PPP6R1: variants seen among roughly 807,000 people sequenced by gnomAD.
The protein encoded by PPP6R1 is serine/threonine-protein phosphatase 6 regulatory subunit 1.
A neutral mutation model predicts 104.6 loss-of-function variants in PPP6R1; 39 were observed. The observed-to-expected ratio is 0.37, with a 90% confidence interval of 0.29 to 0.49. PPP6R1 has a LOEUF of 0.49. PPP6R1 is among the 20% of genes least tolerant of loss of function. The pLI, the probability that PPP6R1 is intolerant of heterozygous loss-of-function variation, is 0.98. For missense variants in PPP6R1, 1,181 were observed against 1,155.8 expected (o/e 1.02, Z -0.32); for synonymous variants, 549 against 479.0 (o/e 1.15, Z -1.91).
intron 1 of PPP6R1, among the ~76,000 whole-genome samples, chr19:55,255,940 T>C (rs1259624376): frequency 6.6e-6 from 1 of 152,178 alleles, no homozygotes; most frequent in African/African-American, 2.4e-5. Context: ...ACCTGTTCAG[T>C]CATCTGCCTC....
chr19:55,233,445 A>T (rs1329401586), intron 17 of PPP6R1, among the ~76,000 whole-genome samples: 1 of 152,200 alleles, frequency 6.6e-6, no homozygotes, highest in Non-Finnish European at 1.5e-5. Context: ...CCCGGAGGCT[A>T]GCCAGGGCAA....
intron 1 of PPP6R1, among the ~76,000 whole-genome samples, chr19:55,257,579 C>A (rs749140444): frequency 6.6e-6 from 1 of 152,148 alleles, no homozygotes; most frequent in Admixed American, 6.5e-5. Flanking sequence ...CTTCCCCCCC[C>A]GGAAGGCCCT....
intron 1 of PPP6R1, among the ~76,000 whole-genome samples, chr19:55,255,300 G>A (rs2087584240): frequency 1.3e-5 from 2 of 152,214 alleles, no homozygotes; most frequent in African/African-American, 2.4e-5. Context: ...AGGTTTAAAG[G>A]AAAGAAAGGA....
At position 55,231,813 on chromosome 19, in the gene PPP6R1, G is replaced by A; in HGVS notation, c.2295C>T (p.Ala765=). 1.3e-6 allele frequency: 2 copies of A among 1,501,166 alleles called. No individual in the cohort carries two copies. The highest frequency in any genetic ancestry group is 2.3e-5 in the East Asian group (1 of 42,952). The allele number at this position is 1,501,166 out of a possible 1,614,324, so 93.0% of individuals were successfully genotyped here. A position where few individuals can be genotyped will look rare whatever the true frequency, so the allele number is the denominator to read the frequency against. ...QSLASPPARD[A]LQLRSQDPTP... Reference sequence around the variant, plus strand: ...CATCCGGTTCTCACCTGAGCTGCAGGGCGTCACGGGCAGGAGGGCTGGCCA... The same window carrying A: ...CATCCGGTTCTCACCTGAGCTGCAGAGCGTCACGGGCAGGAGGGCTGGCCA... Residue 765 remains alanine (A), a synonymous_variant, in exon 19 of 24, where the codon GCC becomes GCT. Coordinates refer to ENST00000412770, the MANE Select transcript of PPP6R1 (RefSeq NM_014931.4).
intron 1 of PPP6R1, among the ~76,000 whole-genome samples, chr19:55,256,554 T>A (rs532263169): frequency 6.6e-6 from 1 of 152,346 alleles, no homozygotes; most frequent in South Asian, 2.1e-4. Flanking sequence ...TCCATGCCTA[T>A]AATCCCAGCT....
chr19:55,231,369 A>T, intron 21 of PPP6R1, 41 bp downstream of exon 21: 2 of 1,533,476 alleles, frequency 1.3e-6, no homozygotes, highest in Non-Finnish European at 1.8e-6. Flanking sequence ...AGAGGAGAAA[A>T]GACTTCTCCC....
chr19:55,230,524 G>A lies in PPP6R1; in HGVS notation c.*4C>T. ...GATTTGGCCGCCGCTGCCGCACCAGGCAGCTATCTGGAAACAGAGGGAGAT... is the reference window on the plus strand; with the variant it reads ...GATTTGGCCGCCGCTGCCGCACCAGACAGCTATCTGGAAACAGAGGGAGAT... On this transcript the variant is annotated 3_prime_UTR_variant, in exon 24 of 24. Transcript: ENST00000412770. 6.2e-7 allele frequency: 1 copy of A among 1,613,502 alleles called. No individual in the cohort carries two copies. The highest frequency in any genetic ancestry group is 8.5e-7 in the Non-Finnish European group (1 of 1,179,824).
Position 55,240,942 on chromosome 19 carries a change from C to T in PPP6R1, c.1296+3G>A. On this transcript the variant is annotated splice_donor_region_variant and intron_variant, in intron 10 of 23. Coordinates refer to ENST00000412770, the MANE Select transcript of PPP6R1 (RefSeq NM_014931.4). Reference sequence around the variant, plus strand: ...GGAGGGGGACCAGGGAGTCCCAGCTCACATGTTTCACAACAGGGTTTTGGA... The same window carrying T: ...GGAGGGGGACCAGGGAGTCCCAGCTTACATGTTTCACAACAGGGTTTTGGA... The T allele has an allele frequency of 6.2e-7, 1 of 1,604,832 alleles. No individual in the cohort carries two copies. Among genetic ancestry groups the T allele is most frequent in the Non-Finnish European group, 8.5e-7 (1 of 1,176,486 alleles).
rs770096018 is a variant in PPP6R1, at chr19:55,236,806, G to T, written c.1825C>A (p.Leu609Ile). 6.2e-7 allele frequency: 1 copy of T among 1,613,910 alleles called. No homozygotes were observed. The highest frequency in any genetic ancestry group is 1.1e-5 in the South Asian group (1 of 91,074). The stretch of plus-strand genomic sequence containing the variant: ...ATGCGGTCCTTGTAGCATATCTCAA[G>T]TAGGTTGGCGTTGGGCTGCAGGGCA... ...ADDENPNANL[L>I]EICYKDRIQQ... Residue 609 changes from leucine to isoleucine, a missense_variant, in exon 17 of 24, where the codon CTT becomes ATT. By Grantham distance (5) the Leu-to-Ile change is conservative. Around this residue, in one of 2 missense-constraint regions of PPP6R1, gnomAD observed 1,042 missense variants for 955.6 expected, o/e 1.09. Coordinates refer to ENST00000412770, the MANE Select transcript of PPP6R1 (RefSeq NM_014931.4).
intron 5 of PPP6R1, among the ~76,000 whole-genome samples, chr19:55,244,313 AC>A (rs1370898108): frequency 6.6e-6 from 1 of 151,954 alleles, no homozygotes; most frequent in African/African-American, 2.4e-5. Flanking sequence ...ACAAACACCC[AC>A]TCTACACTAG....
chr19:55,256,299 C>T (rs1351350074), intron 1 of PPP6R1, among the ~76,000 whole-genome samples: 1 of 152,258 alleles, frequency 6.6e-6, no homozygotes, highest in African/African-American at 2.4e-5. Context: ...GCGCTGCTAA[C>T]ATTTGGGCTG....
intron 1 of PPP6R1, among the ~76,000 whole-genome samples, 179 bp downstream of exon 1, chr19:55,258,256 G>A (rs539516546): frequency 6.6e-6 from 1 of 152,300 alleles, no homozygotes; most frequent in African/African-American, 2.4e-5. Flanking sequence ...GACTGGGGAG[G>A]GTCGAGGGGG....
chr19:55,232,245 T>C, intron 17 of PPP6R1, 34 bp from the exon 18 acceptor site: 25 of 1,516,948 alleles, frequency 1.6e-5, no homozygotes, highest in Non-Finnish European at 2.1e-5. Context: ...GCTAGCTGTG[T>C]GGGACAGACC....
chr19:55,239,131 C>G (rs1158004746), intron 15 of PPP6R1: 4 of 457,652 alleles, frequency 8.7e-6, no homozygotes, highest in Admixed American at 3.4e-5. Flanking sequence ...GGGACCCGCT[C>G]TGTGTCCCCA....
In PPP6R1 at chr19:55,242,684, G is replaced by A. The variant is rs147221268; in HGVS notation, c.619-196C>T. The A allele has an allele frequency of 7.8e-4, 458 of 585,136 alleles. 3 individuals are homozygous for A. The highest frequency in any genetic ancestry group is 7.6e-3 in the African/African-American group (407 of 53,874). 36.2% of individuals were successfully genotyped at this position (585,136 alleles called of 1,614,324 possible). On this transcript the variant is annotated intron_variant, in intron 5 of 23. Transcript: ENST00000412770. ...GATGGTGGAGAGAACAGGAAGCCCG[G>A]AAGGCTCCCCAGGACAGGAGGCATC...
At chr19:55,238,901 C>T (rs2087423170) in intron 15 of PPP6R1, 1 of 164,612 alleles carries the variant, frequency 6.1e-6, no homozygotes, top group Non-Finnish European at 1.3e-5. Context: ...GGTTGACCCA[C>T]AAATCAAAAC....
In PPP6R1 at chr19:55,247,074, G is replaced by C; in HGVS notation, c.30C>G (p.Ser10Arg). Residue 10 changes from serine (S) to arginine (R), a missense_variant, in exon 2 of 24, where the codon AGC (serine) becomes AGG (arginine). By Grantham distance (110) the Ser-to-Arg change is moderately radical. Transcript: ENST00000412770. Reference sequence around the variant, plus strand: ...GCTCCAGCAGCGTGTCCAGGTGCGAGCTTGTGTGCAGGTCAAACTTCCAAA... The same window carrying C: ...GCTCCAGCAGCGTGTCCAGGTGCGACCTTGTGTGCAGGTCAAACTTCCAAA... MFWKFDLHT[S>R]SHLDTLLERE... 1 of 1,613,596 alleles carries C rather than the reference G, an allele frequency of 6.2e-7. No homozygotes were observed. The highest frequency in any genetic ancestry group is 8.5e-7 in the Non-Finnish European group (1 of 1,179,830).
chr19:55,228,560 G>A (rs1301292817), downstream of PPP6R1: 150 of 1,524,746 alleles, frequency 9.8e-5, no homozygotes, highest in Non-Finnish European at 1.2e-4. Flanking sequence ...GACCCATTCA[G>A]GGACCAGGCT....
intron 17 of PPP6R1, among the ~76,000 whole-genome samples, chr19:55,233,897 G>A (rs569612779): frequency 1.3e-5 from 2 of 152,226 alleles, no homozygotes; most frequent in Admixed American, 6.5e-5. Flanking sequence ...CCCAAATAGG[G>A]CAAAACAATC....
Sources: gnomAD v4.1 joint callset for allele counts (sites outside exome capture counted in the v4.1 genomes callset) on GRCh38, gnomAD v4.1.1 for gene constraint, gnomAD v4.1.1 regional missense constraint, MANE v1.5 for transcripts, NCBI Gene and HGNC (gene_info 2026-07-23, HGNC 2026-07-21) for gene names.